KIF13A: variants seen among roughly 807,000 people sequenced by gnomAD.
KIF13A encodes kinesin family member 13A, also known as kinesin-like protein KIF13A.
Under a neutral mutation model 212.2 loss-of-function variants are expected in KIF13A, and 79 were observed. The observed-to-expected ratio is 0.37, with a 90% CI of 0.31 to 0.45. The LOEUF is 0.45. KIF13A is among the 20% of genes least tolerant of loss of function. The pLI, the probability that KIF13A is intolerant of heterozygous loss-of-function variation, is 1.00. For missense variants in KIF13A, 1,901 were observed against 2,209.0 expected (o/e 0.86, Z 2.79); for synonymous variants, 789 against 808.6 (o/e 0.98, Z 0.41).
Position 17,787,675 on chromosome 6 carries a change from A to ACAC in KIF13A, c.3361+100_3361+101insGTG. 1.4e-6 allele frequency: 1 copy of ACAC among 725,184 alleles called. No individual in the cohort carries two copies. The highest frequency in any genetic ancestry group is 2.3e-5 in the Admixed American group (1 of 44,358). 44.9% of individuals were successfully genotyped at this position (725,184 alleles called of 1,614,324 possible). ...TAAAACAACAACAACAACAACAACA[A>ACAC]AAATAAGATACTACTGTCCAGTTAG... On this transcript the variant is annotated intron_variant, in intron 27 of 38. Transcript: ENST00000259711. The surrounding 1 kb of genome is among the most constrained non-coding windows in gnomAD (Gnocchi z 4.6).
Position 17,809,324 on chromosome 6 carries a change from G to T in KIF13A, c.2001-394C>A, listed in dbSNP as rs545630734. Among the ~76,000 whole-genome samples, 1 of 152,272 alleles carries T rather than the reference G, an allele frequency of 6.6e-6. No homozygotes were observed. Among genetic ancestry groups the T allele is most frequent in the East Asian group, 1.9e-4 (1 of 5,180 alleles). On this transcript the variant is annotated intron_variant, in intron 17 of 38. Transcript: ENST00000259711. The surrounding 1 kb of genome is among the most constrained non-coding windows in gnomAD (Gnocchi z 4.7). The stretch of plus-strand genomic sequence containing the variant: ...TGAGAGAAACCTGGAGTTAGGAGAA[G>T]AAATTATTTTTCATGACTTCTGCAG...
chr6:17,889,578 C>G (rs1298046173), intron 3 of KIF13A, among the ~76,000 whole-genome samples: 1 of 152,216 alleles, frequency 6.6e-6, no homozygotes, highest in Non-Finnish European at 1.5e-5. Flanking sequence ...TCTTCTTACT[C>G]TTTCCTTATA....
chr6:17,831,891 G>A (rs1765487005), intron 12 of KIF13A, among the ~76,000 whole-genome samples: 1 of 150,118 alleles, frequency 6.7e-6, no homozygotes, highest in Non-Finnish European at 1.5e-5. Flanking sequence ...ATCTCGGGCT[G>A]GGAATACAGC....
intron 28 of KIF13A, among the ~76,000 whole-genome samples, chr6:17,784,855 A>T (rs186339578): frequency 6.6e-6 from 1 of 152,220 alleles, no homozygotes; most frequent in Non-Finnish European, 1.5e-5. Flanking sequence ...CTCTAGTTTC[A>T]GAAAACAGAC....
intron 2 of KIF13A, among the ~76,000 whole-genome samples, chr6:17,927,340 AGGAAG>A (rs1286418371): frequency 6.6e-6 from 1 of 152,212 alleles, no homozygotes; most frequent in Non-Finnish European, 1.5e-5. Flanking sequence ...AGCCATAAAT[AGGAAG>A]GGAAGTCTGA....
At chr6:17,913,191 T>C (rs1774219684) in intron 2 of KIF13A, among the ~76,000 whole-genome samples, 1 of 144,534 alleles carries the variant, frequency 6.9e-6, no homozygotes, top group Non-Finnish European at 1.5e-5. Flanking sequence ...GAACTCAGAA[T>C]AGCAAAGGGC....
At chr6:17,906,535 A>G (rs1210026447) in intron 2 of KIF13A, among the ~76,000 whole-genome samples, 2 of 148,610 alleles carry the variant, frequency 1.3e-5, no homozygotes, top group African/African-American at 5.0e-5. Context: ...TGTAGCCTCA[A>G]CCTCCTGGGC....
chr6:17,908,345 A>G (rs1773712441), intron 2 of KIF13A, among the ~76,000 whole-genome samples: 1 of 152,230 alleles, frequency 6.6e-6, no homozygotes, highest in African/African-American at 2.4e-5. Context: ...CATGACTATA[A>G]TACCAGCACT....
At chr6:17,907,980 A>C (rs1433965927) in intron 2 of KIF13A, among the ~76,000 whole-genome samples, 1 of 152,192 alleles carries the variant, frequency 6.6e-6, no homozygotes, top group African/African-American at 2.4e-5. Context: ...GCAGTGAGAC[A>C]CGCACTGGTG....
intron 9 of KIF13A, among the ~76,000 whole-genome samples, chr6:17,844,523 T>C (rs947159543): frequency 2.6e-5 from 4 of 152,236 alleles, no homozygotes; most frequent in African/African-American, 9.6e-5. Context: ...CTTTTAGCAC[T>C]GTGAATCTCC....
chr6:17,974,743 T>G (rs1780136998), intron 2 of KIF13A, among the ~76,000 whole-genome samples: 1 of 152,206 alleles, frequency 6.6e-6, no homozygotes, highest in Non-Finnish European at 1.5e-5. Flanking sequence ...CATCTATTTT[T>G]AAAGCATCCC....
In KIF13A at chr6:17,834,802, G is replaced by A. The variant is rs1446817999; in HGVS notation, c.1156-731C>T. ...GATGGCAGAGCTTGGACAAGAAGCT[G>A]GGATGTGATGATCTGGAAGCTAGCT... On this transcript the variant is annotated intron_variant, in intron 11 of 38. Transcript: ENST00000259711. The surrounding 1 kb of genome is among the most constrained non-coding windows in gnomAD (Gnocchi z 4.0). Among the ~76,000 whole-genome samples the A allele has an allele frequency of 1.3e-5, 2 of 152,176 alleles. No homozygotes were observed. Among genetic ancestry groups the A allele is most frequent in the African/African-American group, 4.8e-5 (2 of 41,420 alleles).
At chr6:17,770,390 T>C (rs1398481957) in intron 38 of KIF13A, 7 of 146,656 alleles carry the variant, frequency 4.8e-5, no homozygotes, top group African/African-American at 1.5e-4. Context: ...TTTTTGTAAA[T>C]TGAGGTATAA....
At chr6:17,840,526 A>G (rs1033205445) in intron 9 of KIF13A, among the ~76,000 whole-genome samples, 2 of 152,200 alleles carry the variant, frequency 1.3e-5, no homozygotes, top group African/African-American at 2.4e-5. Context: ...CTTAAAAGTC[A>G]ATATTAGTAA....
chr6:17,765,084 G>T, intron 38 of KIF13A, 138 bp from the exon 39 acceptor site: 1 of 658,772 alleles, frequency 1.5e-6, no homozygotes. Flanking sequence ...TCCAAATTTG[G>T]CCAGATCTTG....
In KIF13A at chr6:17,773,584, C is replaced by A; in HGVS notation, c.4219-1G>T. 1 of 1,582,378 alleles carries A rather than the reference C, an allele frequency of 6.3e-7. No homozygotes were observed. ...TGTCCAACTGGTTCTCTGGCCAACC[C>A]TACAAGGTAAAAATATGGGTTAACT... On this transcript the variant is annotated splice_acceptor_variant, in intron 35 of 38. Transcript: ENST00000259711. LOFTEE classifies it high-confidence loss of function. The surrounding 1 kb of genome is among the most constrained non-coding windows in gnomAD (Gnocchi z 4.2).
rs140293391 is a variant in KIF13A, at chr6:17,773,565, A to G, written c.4237T>C (p.Leu1413=). 1.2e-3 allele frequency: 1,910 copies of G among 1,608,588 alleles called. 38 individuals carry two copies. In the East Asian group the frequency reaches 0.035, roughly 29 times the overall value. ...EDDKGWPENQ[L]DMSDYSSSYQ... Reference sequence around the variant, plus strand: ...CTGGAGCTATAGTCAGACATGTCCAACTGGTTCTCTGGCCAACCCTACAAG... The same window carrying G: ...CTGGAGCTATAGTCAGACATGTCCAGCTGGTTCTCTGGCCAACCCTACAAG... Residue 1413 remains leucine (L), a synonymous_variant, in exon 36 of 39, where the codon TTG becomes CTG. Coordinates refer to ENST00000259711, the MANE Select transcript of KIF13A (RefSeq NM_022113.6). This position sits in a 1 kb window ranked among gnomAD's most constrained non-coding sequence, Gnocchi z 4.2.
chr6:17,969,739 C>G (rs887985995), intron 2 of KIF13A, among the ~76,000 whole-genome samples: 1 of 152,108 alleles, frequency 6.6e-6, no homozygotes, highest in African/African-American at 2.4e-5. Flanking sequence ...ATATATTTTA[C>G]CCCAGAACTG....
intron 3 of KIF13A, among the ~76,000 whole-genome samples, chr6:17,887,266 A>T (rs1581639782): frequency 6.6e-6 from 1 of 152,320 alleles, no homozygotes; most frequent in East Asian, 1.9e-4. Context: ...TATGGTATAC[A>T]GCCACAGGGA....
Sources: allele counts gnomAD v4.1 joint callset (sites outside exome capture counted in the v4.1 genomes callset), GRCh38; gene constraint gnomAD v4.1.1; non-coding constraint Gnocchi (gnomAD v3.1); transcripts MANE v1.5; gene names NCBI Gene and HGNC (gene_info 2026-07-23, HGNC 2026-07-21).